SSX2IP: variants seen among roughly 807,000 people sequenced by gnomAD.
The protein encoded by SSX2IP is afadin- and alpha-actinin-binding protein.
SSX2IP carries 55 observed loss-of-function variants against 84.9 expected under a neutral mutation model. The observed-to-expected ratio is 0.65, with a 90% CI of 0.52 to 0.81. SSX2IP has a LOEUF of 0.81. Among genes scored for constraint, SSX2IP ranks in the 30% least tolerant of loss-of-function variants. SSX2IP has a pLI of 0.00. For missense variants in SSX2IP, 664 were observed against 705.2 expected (o/e 0.94, Z 0.66); for synonymous variants, 239 against 234.7 (o/e 1.02, Z -0.17).
intron 11 of SSX2IP, among the ~76,000 whole-genome samples, chr1:84,653,610 G>C (rs925433788): frequency 3.9e-5 from 6 of 152,212 alleles, no homozygotes; most frequent in Non-Finnish European, 8.8e-5. Flanking sequence ...ACAGGTAGGA[G>C]ACAATGCTGG....
chr1:84,667,543 A>T (rs1458188353), intron 4 of SSX2IP, among the ~76,000 whole-genome samples: 1 of 152,072 alleles, frequency 6.6e-6, no homozygotes, highest in Non-Finnish European at 1.5e-5. Context: ...CACTGCCAGA[A>T]TATTTACACA....
chr1:84,673,193 A>G (rs901033942), intron 1 of SSX2IP, among the ~76,000 whole-genome samples: 1 of 152,198 alleles, frequency 6.6e-6, no homozygotes, highest in Admixed American at 6.5e-5. Context: ...CAGAGTGATA[A>G]CTAAAAAGAA....
intron 1 of SSX2IP, among the ~76,000 whole-genome samples, chr1:84,689,950 C>T (rs1301704532): frequency 1.3e-5 from 2 of 152,182 alleles, no homozygotes; most frequent in African/African-American, 4.8e-5. Context: ...CGCCAAACCC[C>T]GCATGCCCCA....
Position 84,647,239 on chromosome 1 carries a change from T to C in SSX2IP, c.*194A>G, listed in dbSNP as rs1303701832. The C allele has an allele frequency of 2.6e-5, 11 of 417,644 alleles. No homozygotes were observed. The highest frequency in any genetic ancestry group is 2.9e-5 in the Non-Finnish European group (7 of 240,424). 25.9% of individuals were successfully genotyped at this position (417,644 alleles called of 1,614,324 possible). ...AACCAGATGCTTCTGTTACTAAAAA[T>C]ACATATCCAAAGCTTTTATATCCTT... On this transcript the variant is annotated 3_prime_UTR_variant, in exon 14 of 14. Transcript: ENST00000342203.
intron 9 of SSX2IP, among the ~76,000 whole-genome samples, chr1:84,657,756 T>C (rs1212442484): frequency 6.6e-6 from 1 of 152,198 alleles, no homozygotes; most frequent in African/African-American, 2.4e-5. Flanking sequence ...AGCAGATGGA[T>C]CCATGATGTC....
intron 1 of SSX2IP, among the ~76,000 whole-genome samples, chr1:84,685,498 A>C (rs1208750074): frequency 6.6e-6 from 1 of 152,254 alleles, no homozygotes; most frequent in Non-Finnish European, 1.5e-5. Flanking sequence ...CGCTAGCCCT[A>C]GGAAGGAGTA....
intron 8 of SSX2IP, among the ~76,000 whole-genome samples, chr1:84,661,649 A>C (rs2102324123): frequency 6.6e-6 from 1 of 152,246 alleles, no homozygotes; most frequent in East Asian, 1.9e-4. Flanking sequence ...CATAAAGAAC[A>C]CCCAATAAAT....
chr1:84,652,894 T>C (rs538168095), intron 11 of SSX2IP, among the ~76,000 whole-genome samples: 3 of 151,454 alleles, frequency 2.0e-5, no homozygotes, highest in Admixed American at 1.3e-4. Flanking sequence ...TAGCCGGGTG[T>C]GGTGGCGGGT....
intron 11 of SSX2IP, 71 bp downstream of exon 11, chr1:84,655,760 GA>G (rs1443706276): frequency 3.3e-6 from 5 of 1,509,984 alleles, no homozygotes; most frequent in Middle Eastern, 1.8e-4. Flanking sequence ...AAAAAAAGGA[GA>G]CCTTAGAAGC....
intron 6 of SSX2IP, among the ~76,000 whole-genome samples, chr1:84,663,496 G>A (rs141756315): frequency 3.7e-4 from 57 of 152,180 alleles, no homozygotes; most frequent in African/African-American, 1.3e-3. Context: ...TCTTAACGGC[G>A]CATTACTGAA....
intron 1 of SSX2IP, among the ~76,000 whole-genome samples, chr1:84,675,330 T>A (rs1654175533): frequency 6.6e-6 from 1 of 152,220 alleles, no homozygotes; most frequent in African/African-American, 2.4e-5. Context: ...AAGTAAGCAG[T>A]GATTCATGTT....
At chr1:84,667,906 C>T (rs2911568) in intron 4 of SSX2IP, among the ~76,000 whole-genome samples, 38,751 of 152,072 alleles carry the variant, frequency 0.25, 5,299 homozygotes, top group African/African-American at 0.34. Context: ...ATATGTCTCC[C>T]TTCCCTGGAC....
rs1358720930 is a variant in SSX2IP at position 84,644,089 on chromosome 1, G to A, written c.*3344C>T. ...ATAATAATACACGCTCTTGAGGAGA[G>A]AAAATCCTACACTGCTTTGCAGGTC... is the stretch of plus-strand genomic sequence containing the variant. On this transcript the variant is annotated 3_prime_UTR_variant, in exon 14 of 14. Coordinates refer to ENST00000342203, the MANE Select transcript of SSX2IP (RefSeq NM_001166293.2). 6.6e-6 allele frequency: 1 copy of A among 152,158 alleles called. No homozygotes were observed. Among genetic ancestry groups the A allele is most frequent in the East Asian group, 1.9e-4 (1 of 5,200 alleles). The allele number at this position is 152,158 out of a possible 1,614,324, so 9.4% of individuals were successfully genotyped here. A position where few individuals can be genotyped will look rare whatever the true frequency, so the allele number is the denominator to read the frequency against.
intron 11 of SSX2IP, among the ~76,000 whole-genome samples, chr1:84,654,044 G>A (rs924035724): frequency 3.9e-5 from 6 of 152,014 alleles, no homozygotes; most frequent in Admixed American, 3.9e-4. Context: ...AAAGGTAAGA[G>A]AATATCCCAG....
At chr1:84,648,854 T>C (rs2994939) in intron 13 of SSX2IP, among the ~76,000 whole-genome samples, 12,132 of 152,204 alleles carry the variant, frequency 0.08, 726 homozygotes, top group African/African-American at 0.17. Flanking sequence ...AACTTCAAAA[T>C]AGATCCCAAA....
chr1:84,651,729 AAAAC>A (rs200578729), intron 12 of SSX2IP, among the ~76,000 whole-genome samples, 150 bp downstream of exon 12: 1,534 of 152,312 alleles, frequency 0.01, 21 homozygotes, highest in African/African-American at 0.033. Flanking sequence ...CTCCGTCTCA[AAAAC>A]AAACAAAAAA....
At chr1:84,675,628 C>T (rs1021484982) in intron 1 of SSX2IP, among the ~76,000 whole-genome samples, 1 of 152,294 alleles carries the variant, frequency 6.6e-6, no homozygotes, top group South Asian at 2.1e-4. Flanking sequence ...TATTTTCCAA[C>T]GTGTGGGACA....
At chr1:84,656,234 T>C in intron 10 of SSX2IP, 114 bp downstream of exon 10, 1 of 1,135,482 alleles carries the variant, frequency 8.8e-7, no homozygotes, top group Non-Finnish European at 1.2e-6. Context: ...GAACACAGAC[T>C]AGAAATCTGT....
At chr1:84,655,530 G>C in intron 11 of SSX2IP, 4 of 1,350,380 alleles carry the variant, frequency 3.0e-6, no homozygotes, top group Non-Finnish European at 3.9e-6. Flanking sequence ...GACCGTGGAT[G>C]AATGATGGAT....
Sources: allele counts gnomAD v4.1 joint callset (sites outside exome capture counted in the v4.1 genomes callset), GRCh38; gene constraint gnomAD v4.1.1; transcripts MANE v1.5; gene names NCBI Gene and HGNC (gene_info 2026-07-23, HGNC 2026-07-21).